Variants in RAI1 observed in about 807,000 individuals in gnomAD.
RAI1 encodes the protein retinoic acid-induced protein 1.
A neutral mutation model predicts 123.8 loss-of-function variants in RAI1; 9 were observed. The ratio of observed to expected loss-of-function variants is 0.07; its 90% CI spans 0.04 to 0.13. The LOEUF is 0.13. RAI1 is among the 10% of genes least tolerant of loss of function. RAI1 has a pLI of 1.00. For synonymous variants in RAI1, 1,231 were observed against 1,127.3 expected, an observed-to-expected ratio of 1.09 and a Z score of -1.84; for missense variants, 2,256 against 2,545.8, an observed-to-expected ratio of 0.89 and a Z score of 2.45.
chr17:17,807,233 T>C (rs1258552220), intron 4 of RAI1, among the ~76,000 whole-genome samples: 1 of 123,558 alleles, frequency 8.1e-6, no homozygotes, highest in East Asian at 2.9e-4. Flanking sequence ...CCAGCGTGAC[T>C]CTGCCAGCCA....
At chr17:17,778,679 G>A (rs1454228289) in intron 2 of RAI1, 1 of 456,018 alleles carries the variant, frequency 2.2e-6, no homozygotes, top group Admixed American at 2.3e-5. Flanking sequence ...TCTGGCTGTG[G>A]TGAATCTGAC....
In RAI1 at chr17:17,809,841, C is replaced by T; in HGVS notation, c.5710-129C>T. 7.5e-7 allele frequency: 1 copy of T among 1,328,742 alleles called. No homozygotes were observed. The highest frequency in any genetic ancestry group is 1.0e-6 in the Non-Finnish European group (1 of 956,002). 82.3% of individuals were successfully genotyped at this position (1,328,742 alleles called of 1,614,324 possible). A position where few individuals can be genotyped will look rare whatever the true frequency, so the allele number is the denominator to read the frequency against. ...AAGGGGTGGTGCCGACGGCCTCGGG[C>T]GGAGACCCCAGCCGCGCTCTGGGGT... On this transcript the variant is annotated intron_variant, in intron 5 of 5. Coordinates refer to ENST00000353383, the MANE Select transcript of RAI1 (RefSeq NM_030665.4). This position sits in a 1 kb window ranked among gnomAD's most constrained non-coding sequence, Gnocchi z 4.9.
chr17:17,701,476 C>T (rs914899321), intron 1 of RAI1, among the ~76,000 whole-genome samples: 1 of 152,224 alleles, frequency 6.6e-6, no homozygotes, highest in African/African-American at 2.4e-5. Context: ...CCTTCTCTCA[C>T]TCTTCTCTTT....
intron 2 of RAI1, among the ~76,000 whole-genome samples, chr17:17,751,235 C>A (rs924196465): frequency 6.6e-6 from 1 of 152,128 alleles, no homozygotes; most frequent in Non-Finnish European, 1.5e-5. Context: ...CCACGCTTCC[C>A]GAGGAGGTGA....
intron 4 of RAI1, among the ~76,000 whole-genome samples, chr17:17,806,137 G>A (rs1335916843): frequency 6.6e-6 from 1 of 152,252 alleles, no homozygotes; most frequent in South Asian, 2.1e-4. Flanking sequence ...GAAGGAGAGA[G>A]TATGCACTGT....
At chr17:17,765,019 G>A (rs1411015740) in intron 2 of RAI1, among the ~76,000 whole-genome samples, 3 of 152,198 alleles carry the variant, frequency 2.0e-5, no homozygotes, top group Non-Finnish European at 1.5e-5. Flanking sequence ...TGAACACTTG[G>A]ATTGTTTATA....
chr17:17,781,094 C>G (rs1406990343), intron 2 of RAI1, among the ~76,000 whole-genome samples: 2 of 152,250 alleles, frequency 1.3e-5, no homozygotes, highest in Non-Finnish European at 2.9e-5. Context: ...CCCTTGAGGC[C>G]TGTCTCCTCC....
At chr17:17,774,611 G>C (rs1212686350) in intron 2 of RAI1, among the ~76,000 whole-genome samples, 1 of 152,268 alleles carries the variant, frequency 6.6e-6, no homozygotes, top group Non-Finnish European at 1.5e-5. Flanking sequence ...CTGTGGGCTG[G>C]AGCCAGGTTT....
intron 2 of RAI1, among the ~76,000 whole-genome samples, chr17:17,762,698 G>T (rs532104419): frequency 6.6e-6 from 1 of 152,138 alleles, no homozygotes; most frequent in Admixed American, 6.5e-5. Flanking sequence ...TGTGGTGGGG[G>T]ACTTGTCGGG....
At chr17:17,756,938 G>A (rs1414052976) in intron 2 of RAI1, among the ~76,000 whole-genome samples, 1 of 152,224 alleles carries the variant, frequency 6.6e-6, no homozygotes, top group Non-Finnish European at 1.5e-5. Flanking sequence ...GTTATTAACC[G>A]CATGCCCATT....
intron 2 of RAI1, among the ~76,000 whole-genome samples, chr17:17,753,364 A>G (rs925135043): frequency 7.2e-5 from 11 of 152,090 alleles, no homozygotes; most frequent in African/African-American, 2.7e-4. Flanking sequence ...TGGGGGTTGG[A>G]GTGGTAGAGC....
intron 1 of RAI1, among the ~76,000 whole-genome samples, chr17:17,718,573 C>T (rs552119863): frequency 5.9e-5 from 9 of 152,266 alleles, no homozygotes; most frequent in African/African-American, 2.2e-4. Flanking sequence ...CCACAGTGCC[C>T]TGAACAACGC....
At chr17:17,707,617 G>C (rs1001507597) in intron 1 of RAI1, among the ~76,000 whole-genome samples, 22 of 152,034 alleles carry the variant, frequency 1.4e-4, no homozygotes, top group Non-Finnish European at 2.6e-4. Flanking sequence ...ATTTGAGACA[G>C]GGTCTCACTC....
chr17:17,771,045 C>A (rs1413236630), intron 2 of RAI1, among the ~76,000 whole-genome samples: 2 of 152,066 alleles, frequency 1.3e-5, no homozygotes, highest in African/African-American at 2.4e-5. Flanking sequence ...TCAGGGGGAT[C>A]TTTGGAGACC....
intron 1 of RAI1, among the ~76,000 whole-genome samples, chr17:17,702,362 C>G (rs899697752): frequency 2.0e-5 from 3 of 152,204 alleles, no homozygotes; most frequent in African/African-American, 7.2e-5. Context: ...AGGATGCAGC[C>G]TATTATCTTC....
rs114534071 is a variant in RAI1 at position 17,761,984 on chromosome 17, C to G, written c.-16-30949C>G. Among the ~76,000 whole-genome samples the G allele has an allele frequency of 1.5e-3, 235 of 152,186 alleles. 1 individual carries two copies. The highest frequency in any genetic ancestry group is 4.7e-3 in the African/African-American group (195 of 41,516). ...GGACTTTTGGTTGAACCAGAAGTTC[C>G]TGAGTGTGAGCGCGGCCCAGAAACA... is the stretch of plus-strand genomic sequence containing the variant. On this transcript the variant is annotated intron_variant, in intron 2 of 5. Coordinates refer to ENST00000353383, the MANE Select transcript of RAI1 (RefSeq NM_030665.4).
At chr17:17,752,147 C>T (rs761930393) in intron 2 of RAI1, among the ~76,000 whole-genome samples, 1 of 152,198 alleles carries the variant, frequency 6.6e-6, no homozygotes, top group Non-Finnish European at 1.5e-5. Flanking sequence ...CTGCCCAGCG[C>T]CCCGCAGGAG....
chr17:17,810,798 C>T lies in RAI1; in HGVS notation c.*817C>T, dbSNP rs1377655706. On this transcript the variant is annotated 3_prime_UTR_variant, in exon 6 of 6. Transcript: ENST00000353383. The surrounding 1 kb of genome is among the most constrained non-coding windows in gnomAD (Gnocchi z 4.6). Reference sequence around the variant, plus strand: ...AACCCAAGAAGCGGCCAGAACGCACCTCCGGCTCCGGCGGACGCGCGACCG... The same window carrying T: ...AACCCAAGAAGCGGCCAGAACGCACTTCCGGCTCCGGCGGACGCGCGACCG... 4.4e-6 allele frequency: 2 copies of T among 454,832 alleles called. No homozygotes were observed. Among genetic ancestry groups the T allele is most frequent in the Non-Finnish European group, 8.9e-6 (2 of 225,684 alleles). 28.2% of individuals were successfully genotyped at this position (454,832 alleles called of 1,614,324 possible).
In RAI1 at chr17:17,798,178, G is replaced by C; in HGVS notation, c.5230G>C (p.Glu1744Gln). ...GCTTGAGAGAACACTCAAAGGTCCC[G>C]AGTGTGCAGCTGCCGCCACTGCCGG... ...LPLERTLKGP[E>Q]CAAAATAGKP... Residue 1744 changes from glutamate to glutamine, a missense_variant, in exon 3 of 6, where the codon GAG becomes CAG. Around this residue, in one of 7 missense-constraint regions of RAI1, gnomAD observed 243 missense variants for 316.6 expected, o/e 0.77. Transcript: ENST00000353383. 1 of 1,612,650 alleles carries C rather than the reference G, an allele frequency of 6.2e-7. No homozygotes were observed. The highest frequency in any genetic ancestry group is 8.5e-7 in the Non-Finnish European group (1 of 1,179,860).
Sources: allele counts gnomAD v4.1 joint callset (sites outside exome capture counted in the v4.1 genomes callset), GRCh38; gene constraint gnomAD v4.1.1; regional missense constraint gnomAD v4.1.1; non-coding constraint Gnocchi (gnomAD v3.1); transcripts MANE v1.5; gene names NCBI Gene and HGNC (gene_info 2026-07-23, HGNC 2026-07-21).